The following CNTNAP3B variants were observed in gnomAD, a reference collection of about 807,000 sequenced individuals.
CNTNAP3B encodes the protein contactin associated protein family member 3B, also known as contactin-associated protein-like 3B.
A neutral mutation model predicts 108.9 loss-of-function variants in CNTNAP3B; 25 were observed. That is an observed-to-expected ratio of 0.23 (90% CI 0.17 to 0.32). CNTNAP3B has a LOEUF of 0.32. CNTNAP3B is among the 10% of genes least tolerant of loss of function. CNTNAP3B has a pLI of 1.00. For missense variants in CNTNAP3B, 252 were observed against 1,210.4 expected, an observed-to-expected ratio of 0.21 and a Z score of 11.75; for synonymous variants, 103 against 473.4, an observed-to-expected ratio of 0.22 and a Z score of 10.16.
chr9:41,934,529 A>C (rs1824096017), intron 14 of CNTNAP3B, among the ~76,000 whole-genome samples: 1 of 152,240 alleles, frequency 6.6e-6, no homozygotes, highest in African/African-American at 2.4e-5. Flanking sequence ...CCACTTCTTT[A>C]TATATTTTAA....
chr9:42,110,540 A>T (rs532016918), intron 1 of CNTNAP3B, among the ~76,000 whole-genome samples: 1 of 137,372 alleles, frequency 7.3e-6, no homozygotes, highest in Non-Finnish European at 1.6e-5. Context: ...CTAAAAAAAA[A>T]AAAAAGAAAA....
chr9:42,079,518 T>G (rs1264709613), intron 2 of CNTNAP3B, among the ~76,000 whole-genome samples: 1 of 123,846 alleles, frequency 8.1e-6, no homozygotes, highest in African/African-American at 3.3e-5. Context: ...TGTTTTGTTT[T>G]GTTTTGTTTT....
chr9:41,969,640 C>T (rs1466051443), intron 10 of CNTNAP3B, among the ~76,000 whole-genome samples: 1 of 152,094 alleles, frequency 6.6e-6, no homozygotes, highest in African/African-American at 2.4e-5. Context: ...TGTTTTGAGA[C>T]CGAGTCTCGC....
chr9:41,934,323 A>T (rs1320803227), intron 14 of CNTNAP3B, among the ~76,000 whole-genome samples: 1 of 151,090 alleles, frequency 6.6e-6, no homozygotes, highest in East Asian at 1.9e-4. Context: ...GGTTCATGCC[A>T]TTCTCCTGCC....
At chr9:41,941,049 T>C (rs1339964092) in intron 13 of CNTNAP3B, among the ~76,000 whole-genome samples, 4 of 149,802 alleles carry the variant, frequency 2.7e-5, no homozygotes, top group Admixed American at 1.3e-4. Context: ...AAAACTGTAA[T>C]ACCATATGAT....
At position 42,098,234 on chromosome 9, in the gene CNTNAP3B, T is replaced by A. The variant is rs548698223; in HGVS notation, c.196+6395A>T. Among the ~76,000 whole-genome samples, 703 of 134,682 alleles carry A rather than the reference T, an allele frequency of 5.2e-3. 138 individuals are homozygous for A. Among genetic ancestry groups the A allele is most frequent in the African/African-American group, 0.02 (680 of 33,488 alleles). The allele number at this position is 134,682 out of a possible 152,430, so 88.4% of individuals were successfully genotyped here. On this transcript the variant is annotated intron_variant, in intron 2 of 23. Transcript: ENST00000377561. Reference sequence around the variant, plus strand: ...CTTCCTCAGAGAAGCAGAAACTCTTTGTCTTACTGACACTGGAATGTATCC... The same window carrying A: ...CTTCCTCAGAGAAGCAGAAACTCTTAGTCTTACTGACACTGGAATGTATCC...
chr9:42,096,164 G>A (rs1827895594), intron 2 of CNTNAP3B, among the ~76,000 whole-genome samples: 1 of 139,772 alleles, frequency 7.2e-6, no homozygotes, highest in Non-Finnish European at 1.5e-5. Context: ...TGTGCAGGCT[G>A]CTCTTGGAGA....
intron 9 of CNTNAP3B, among the ~76,000 whole-genome samples, chr9:41,971,383 CAT>C (rs1238409481): frequency 1.8e-5 from 1 of 54,680 alleles, no homozygotes; most frequent in Non-Finnish European, 3.4e-5. Flanking sequence ...TAGAAAGAGT[CAT>C]ATTAATTCAG....
At chr9:42,095,620 A>G (rs1374410314) in intron 2 of CNTNAP3B, among the ~76,000 whole-genome samples, 1 of 138,096 alleles carries the variant, frequency 7.2e-6, no homozygotes, top group African/African-American at 2.9e-5. Flanking sequence ...GGGAAAATGT[A>G]ACTTCATTTC....
At chr9:41,918,471 C>A (rs1354579459) in intron 18 of CNTNAP3B, among the ~76,000 whole-genome samples, 1 of 145,054 alleles carries the variant, frequency 6.9e-6, no homozygotes, top group Non-Finnish European at 1.5e-5. Context: ...CATACACACA[C>A]CCCCCAAATA....
intron 13 of CNTNAP3B, among the ~76,000 whole-genome samples, chr9:41,939,832 A>G (rs1226936129): frequency 6.6e-6 from 1 of 152,204 alleles, no homozygotes; most frequent in East Asian, 1.9e-4. Context: ...CTGATAAAAG[A>G]TCTTGTAGAC....
intron 13 of CNTNAP3B, among the ~76,000 whole-genome samples, chr9:41,949,763 A>G (rs1339910878): frequency 6.6e-6 from 1 of 152,128 alleles, no homozygotes; most frequent in African/African-American, 2.4e-5. Context: ...AGGTAAAACT[A>G]TAAAACTTTT....
intron 14 of CNTNAP3B, among the ~76,000 whole-genome samples, chr9:41,936,185 G>C (rs1277415978): frequency 6.6e-6 from 1 of 152,426 alleles, no homozygotes; most frequent in Middle Eastern, 3.4e-3. Flanking sequence ...GCTGAGGCAG[G>C]AGAATCGCTT....
chr9:41,931,967 A>T (rs1211335606), intron 14 of CNTNAP3B, among the ~76,000 whole-genome samples: 1 of 152,186 alleles, frequency 6.6e-6, no homozygotes, highest in Non-Finnish European at 1.5e-5. Context: ...CAGTTTAATT[A>T]GGGCAGATAC....
At chr9:42,042,385 T>A (rs1826779088) in intron 3 of CNTNAP3B, among the ~76,000 whole-genome samples, 1 of 137,998 alleles carries the variant, frequency 7.2e-6, no homozygotes, top group African/African-American at 2.9e-5. Context: ...TTACGCTTAC[T>A]TATCTCTATT....
At chr9:41,924,645 G>GCGCGCGCGCGCGCA (rs1474850625) in intron 15 of CNTNAP3B, among the ~76,000 whole-genome samples, 1 of 135,064 alleles carries the variant, frequency 7.4e-6, no homozygotes, top group Non-Finnish European at 1.6e-5. Context: ...TTTCCTTCCT[G>GCGCGCGCGCGCGCA]CACACACACA....
intron 11 of CNTNAP3B, among the ~76,000 whole-genome samples, chr9:41,962,395 A>G (rs1486848281): frequency 6.6e-6 from 1 of 152,222 alleles, no homozygotes; most frequent in East Asian, 1.9e-4. Flanking sequence ...AAGTTTTTGG[A>G]GTTATATTTT....
intron 3 of CNTNAP3B, among the ~76,000 whole-genome samples, chr9:42,039,071 G>T: frequency 1.3e-5 from 2 of 152,122 alleles, no homozygotes; most frequent in South Asian, 4.1e-4. Context: ...AGAATCTCTG[G>T]GACACATTTA....
At chr9:41,927,266 C>A (rs1377604590) in intron 15 of CNTNAP3B, among the ~76,000 whole-genome samples, 1 of 148,684 alleles carries the variant, frequency 6.7e-6, no homozygotes, top group Non-Finnish European at 1.5e-5. Flanking sequence ...GAATTCAACT[C>A]CATTCCATAT....
Sources: allele counts gnomAD v4.1 joint callset (sites outside exome capture counted in the v4.1 genomes callset), GRCh38; gene constraint gnomAD v4.1.1; transcripts MANE v1.5; gene names NCBI Gene and HGNC (gene_info 2026-07-23, HGNC 2026-07-21).